The following PIP4K2A variants were observed in gnomAD, a reference collection of about 807,000 sequenced individuals.
PIP4K2A encodes phosphatidylinositol 5-phosphate 4-kinase type-2 alpha.
In PIP4K2A, 14 loss-of-function variants were observed where a neutral mutation model predicts 42.9. That is an observed-to-expected ratio of 0.33 (90% CI 0.22 to 0.51). The LOEUF (loss-of-function observed/expected upper bound fraction) is 0.51, where lower values mean the gene tolerates loss of function less well. Ranked by LOEUF, PIP4K2A falls within the 20% of genes least tolerant of loss-of-function variation. PIP4K2A has a pLI of 0.97. For missense variants in PIP4K2A, 434 were observed against 519.8 expected, an observed-to-expected ratio of 0.83 and a Z score of 1.61; for synonymous variants, 192 against 192.2, an observed-to-expected ratio of 1.00 and a Z score of 0.01.
intron 1 of PIP4K2A, among the ~76,000 whole-genome samples, chr10:22,621,932 C>T (rs1273837792): frequency 1.3e-5 from 2 of 152,192 alleles, no homozygotes; most frequent in Non-Finnish European, 2.9e-5. Flanking sequence ...CAGCATCCAT[C>T]CTGAAAGAAC....
At chr10:22,612,519 G>T (rs1014754946) in intron 1 of PIP4K2A, among the ~76,000 whole-genome samples, 1 of 152,178 alleles carries the variant, frequency 6.6e-6, no homozygotes, top group Admixed American at 6.5e-5. Flanking sequence ...TGAAAGGGAT[G>T]AACAACAGGC....
At chr10:22,580,826 A>T (rs1837257294) in intron 4 of PIP4K2A, among the ~76,000 whole-genome samples, 1 of 152,200 alleles carries the variant, frequency 6.6e-6, no homozygotes, top group Admixed American at 6.5e-5. Context: ...CCCACTGGCA[A>T]AAGGACGTCA....
intron 7 of PIP4K2A, among the ~76,000 whole-genome samples, chr10:22,547,196 T>G (rs1159462892): frequency 2.6e-5 from 4 of 152,330 alleles, no homozygotes; most frequent in African/African-American, 7.2e-5. Flanking sequence ...AACATATCTG[T>G]GAAGTAGAAT....
chr10:22,620,575 G>C (rs1838303856), intron 1 of PIP4K2A, among the ~76,000 whole-genome samples: 1 of 152,230 alleles, frequency 6.6e-6, no homozygotes, highest in Non-Finnish European at 1.5e-5. Context: ...GAAAATGCTT[G>C]AATTAATCAC....
At chr10:22,637,372 C>G (rs1365194415) in intron 1 of PIP4K2A, among the ~76,000 whole-genome samples, 3 of 152,096 alleles carry the variant, frequency 2.0e-5, no homozygotes, top group Admixed American at 2.0e-4. Flanking sequence ...TAAACTGAAG[C>G]CAAATAAGTG....
chr10:22,578,151 T>C (rs568989928), intron 4 of PIP4K2A, among the ~76,000 whole-genome samples: 1 of 152,216 alleles, frequency 6.6e-6, no homozygotes, highest in Non-Finnish European at 1.5e-5. Flanking sequence ...ATGCTACCAA[T>C]TTTCTGTCTG....
chr10:22,674,411 G>A (rs1839514327), intron 1 of PIP4K2A, among the ~76,000 whole-genome samples: 1 of 117,860 alleles, frequency 8.5e-6, no homozygotes, highest in East Asian at 2.1e-4. Context: ...AAGACACTTG[G>A]GAGCAAAAAA....
At chr10:22,713,700 G>A (rs1308835472) in intron 1 of PIP4K2A, among the ~76,000 whole-genome samples, 1 of 152,126 alleles carries the variant, frequency 6.6e-6, no homozygotes, top group African/African-American at 2.4e-5. Context: ...CCAGTGGGAG[G>A]CTCGCACGCG....
intron 7 of PIP4K2A, among the ~76,000 whole-genome samples, chr10:22,543,195 G>C (rs185181725): frequency 6.6e-6 from 1 of 152,214 alleles, no homozygotes; most frequent in East Asian, 1.9e-4. Context: ...GAGAAGCCCC[G>C]ATTCCTTACA....
intron 1 of PIP4K2A, among the ~76,000 whole-genome samples, chr10:22,610,890 C>A (rs1838019844): frequency 1.3e-5 from 2 of 152,150 alleles, no homozygotes; most frequent in Admixed American, 1.3e-4. Context: ...GGCCTCCAGG[C>A]TTCCCACAGA....
intron 1 of PIP4K2A, among the ~76,000 whole-genome samples, chr10:22,681,235 T>C (rs1295377715): frequency 1.3e-5 from 2 of 152,220 alleles, no homozygotes; most frequent in Non-Finnish European, 2.9e-5. Context: ...AAAATTTGTA[T>C]TCCTTTCTCC....
chr10:22,651,293 A>T (rs75984223), intron 1 of PIP4K2A, among the ~76,000 whole-genome samples: 2,576 of 152,248 alleles, frequency 0.017, 74 homozygotes, highest in African/African-American at 0.058. Context: ...GTGATTGTTT[A>T]AAAGCACTCA....
At chr10:22,610,424 T>C (rs1265969419) in intron 1 of PIP4K2A, among the ~76,000 whole-genome samples, 1 of 152,214 alleles carries the variant, frequency 6.6e-6, no homozygotes, top group Non-Finnish European at 1.5e-5. Context: ...TTCTCTTCGT[T>C]AACTATTTTT....
intron 1 of PIP4K2A, among the ~76,000 whole-genome samples, chr10:22,665,475 T>C (rs1318101382): frequency 6.6e-6 from 1 of 152,126 alleles, no homozygotes; most frequent in Non-Finnish European, 1.5e-5. Context: ...AGGGTCTCAC[T>C]CTGTCACCCG....
At chr10:22,707,380 G>A (rs1037226517) in intron 1 of PIP4K2A, among the ~76,000 whole-genome samples, 2 of 152,166 alleles carry the variant, frequency 1.3e-5, no homozygotes, top group Non-Finnish European at 1.5e-5. Context: ...TTAGAATTGT[G>A]AGGCTTAGCT....
At chr10:22,552,967 G>A (rs959569059) in intron 6 of PIP4K2A, among the ~76,000 whole-genome samples, 3 of 152,050 alleles carry the variant, frequency 2.0e-5, no homozygotes, top group African/African-American at 7.3e-5. Context: ...TGCTGGATGT[G>A]TGTTTGTAAC....
At chr10:22,671,775 C>CAT (rs3220689) in intron 1 of PIP4K2A, among the ~76,000 whole-genome samples, 1 of 151,032 alleles carries the variant, frequency 6.6e-6, no homozygotes, top group African/African-American at 2.4e-5. Context: ...CACACACACA[C>CAT]GTGGTCTAGG....
At chr10:22,695,340 C>T (rs1219155517) in intron 1 of PIP4K2A, among the ~76,000 whole-genome samples, 3 of 152,058 alleles carry the variant, frequency 2.0e-5, no homozygotes, top group Non-Finnish European at 2.9e-5. Context: ...GCACATGCTC[C>T]GATTTTTTTC....
chr10:22,643,420 A>G (rs868258977), intron 1 of PIP4K2A, among the ~76,000 whole-genome samples: 1 of 152,166 alleles, frequency 6.6e-6, no homozygotes, highest in African/African-American at 2.4e-5. Context: ...TTTTGCAGAA[A>G]AAGTTTGCTC....
Sources: allele counts gnomAD v4.1 joint callset (sites outside exome capture counted in the v4.1 genomes callset), GRCh38; gene constraint gnomAD v4.1.1; transcripts MANE v1.5; gene names NCBI Gene and HGNC (gene_info 2026-07-23, HGNC 2026-07-21).